NOX4: variants seen among roughly 807,000 people sequenced by gnomAD.
NOX4 encodes kidney oxidase-1.
Under a neutral mutation model 87.6 loss-of-function variants are expected in NOX4, and 69 were observed. That is an observed-to-expected ratio of 0.79 (90% CI 0.65 to 0.96). The LOEUF (loss-of-function observed/expected upper bound fraction) is 0.96. Among genes scored for constraint, NOX4 ranks in the 40% least tolerant of loss-of-function variants. The pLI is 0.00. For missense variants in NOX4, 680 were observed against 681.5 expected, an observed-to-expected ratio of 1.00 and a Z score of 0.02; for synonymous variants, 275 against 238.2, an observed-to-expected ratio of 1.15 and a Z score of -1.42.
At chr11:89,391,957 CCT>C (rs1306930793) in intron 11 of NOX4, among the ~76,000 whole-genome samples, 3 of 145,816 alleles carry the variant, frequency 2.1e-5, no homozygotes, top group African/African-American at 7.7e-5. Flanking sequence ...CCTTCTCCTT[CCT>C]TCCTTCCTTC....
chr11:89,473,266 G>T (rs956401216), intron 2 of NOX4, among the ~76,000 whole-genome samples: 4 of 152,064 alleles, frequency 2.6e-5, no homozygotes, highest in African/African-American at 9.7e-5. Context: ...ACTGAAACAG[G>T]CCTTGTGTCT....
At chr11:89,489,793 T>A (rs779475043) in intron 2 of NOX4, among the ~76,000 whole-genome samples, 12 of 150,760 alleles carry the variant, frequency 8.0e-5, no homozygotes. Context: ...CAAAGTAATA[T>A]GCCTTCAGTG....
At chr11:89,574,291 C>T in the NOX4 span, among the ~76,000 whole-genome samples, 1 of 152,140 alleles carries the variant, frequency 6.6e-6, no homozygotes, top group Admixed American at 6.5e-5. Context: ...CAGAGCCACA[C>T]TATTTGGTGA....
chr11:89,580,642 C>T, the NOX4 span, among the ~76,000 whole-genome samples: 5 of 152,050 alleles, frequency 3.3e-5, no homozygotes, highest in South Asian at 2.1e-4. Flanking sequence ...AATATGGAGG[C>T]TCACTCTATT....
At chr11:89,443,436 G>A (rs944765429) in intron 5 of NOX4, 1 of 152,190 alleles carries the variant, frequency 6.6e-6, no homozygotes, top group African/African-American at 2.4e-5. Context: ...GGACAGAACA[G>A]TTTGTTTTTG....
intron 13 of NOX4, among the ~76,000 whole-genome samples, chr11:89,347,928 T>TA (rs1342244510): frequency 6.6e-6 from 1 of 152,226 alleles, no homozygotes; most frequent in Non-Finnish European, 1.5e-5. Context: ...CTCCTTGGCT[T>TA]AAAATCCTTT....
chr11:89,364,737 TC>T (rs1225259017), intron 12 of NOX4, among the ~76,000 whole-genome samples: 1 of 152,156 alleles, frequency 6.6e-6, no homozygotes, highest in Non-Finnish European at 1.5e-5. Context: ...TTATCTACTA[TC>T]ATTCACACAT....
upstream of NOX4, among the ~76,000 whole-genome samples, chr11:89,491,733 C>T (rs1049081738): frequency 8.7e-6 from 1 of 115,430 alleles, no homozygotes; most frequent in Non-Finnish European, 2.1e-5. Context: ...CTTGTACACA[C>T]ACACACACAC....
intron 6 of NOX4, among the ~76,000 whole-genome samples, chr11:89,438,273 TAATA>T (rs374771022): frequency 1.3e-3 from 178 of 135,728 alleles, no homozygotes; most frequent in Middle Eastern, 3.8e-3. Flanking sequence ...TAATATATAA[TAATA>T]TATATACTAC....
At chr11:89,425,167 G>GT (rs143763285) in intron 7 of NOX4, among the ~76,000 whole-genome samples, 3,100 of 151,944 alleles carry the variant, frequency 0.02, 111 homozygotes, top group African/African-American at 0.069. Flanking sequence ...AAAAAGTGAG[G>GT]TTTTTTAATG....
chr11:89,453,785 A>T (rs562127353), intron 2 of NOX4, among the ~76,000 whole-genome samples: 1 of 152,264 alleles, frequency 6.6e-6, no homozygotes, highest in African/African-American at 2.4e-5. Context: ...CAGAATTCAA[A>T]CCCAGATATT....
chr11:89,449,401 A>G (rs935681076), intron 4 of NOX4, 39 bp downstream of exon 4: 3 of 1,419,422 alleles, frequency 2.1e-6, no homozygotes, highest in African/African-American at 2.8e-5. Context: ...TTAAATGTGT[A>G]ATTCTAACAA....
At position 89,343,854 on chromosome 11, in the gene NOX4, T is replaced by C. The variant is rs188457618; in HGVS notation, c.1218-1661A>G. On this transcript the variant is annotated intron_variant, in intron 13 of 17. Coordinates refer to ENST00000263317, the MANE Select transcript of NOX4 (RefSeq NM_016931.5). ...TGAAAAGATCCTTTATGAAGGATTGTGTATCTAAGATAATTCTAAGAATAA... is the reference window on the plus strand; with the variant it reads ...TGAAAAGATCCTTTATGAAGGATTGCGTATCTAAGATAATTCTAAGAATAA... Among the ~76,000 whole-genome samples the C allele has an allele frequency of 7.9e-4, 120 of 152,230 alleles. 1 individual carries two copies. The highest frequency in any genetic ancestry group is 2.8e-3 in the African/African-American group (115 of 41,584).
At chr11:89,474,351 T>G (rs1404793266) in intron 2 of NOX4, among the ~76,000 whole-genome samples, 4 of 150,682 alleles carry the variant, frequency 2.7e-5, no homozygotes, top group Non-Finnish European at 5.9e-5. Flanking sequence ...GACCAATACA[T>G]CACATCTTGG....
At chr11:89,557,599 G>A in the NOX4 span, among the ~76,000 whole-genome samples, 1 of 152,236 alleles carries the variant, frequency 6.6e-6, no homozygotes, top group East Asian at 1.9e-4. Flanking sequence ...TAAGGAACAA[G>A]AGAAAAACAG....
the NOX4 span, among the ~76,000 whole-genome samples, chr11:89,584,113 G>A: frequency 6.6e-6 from 1 of 151,934 alleles, no homozygotes; most frequent in African/African-American, 2.4e-5. Context: ...TTCTTCTTAG[G>A]ATAAAAATTT....
chr11:89,482,592 C>T (rs1245032087), intron 2 of NOX4, among the ~76,000 whole-genome samples: 1 of 152,034 alleles, frequency 6.6e-6, no homozygotes, highest in Non-Finnish European at 1.5e-5. Context: ...TCATCTTGGA[C>T]TTCTAGTTTC....
chr11:89,361,506 T>C (rs758041058), intron 12 of NOX4, among the ~76,000 whole-genome samples: 1 of 152,048 alleles, frequency 6.6e-6, no homozygotes, highest in Non-Finnish European at 1.5e-5. Context: ...TTGGGTACAG[T>C]GTACATTGCT....
the NOX4 span, among the ~76,000 whole-genome samples, chr11:89,528,573 T>C: frequency 6.6e-6 from 1 of 152,080 alleles, no homozygotes; most frequent in South Asian, 2.1e-4. Flanking sequence ...AGTAAGTGAG[T>C]TCTTATGAGA....
Sources: gnomAD v4.1 joint callset for allele counts (sites outside exome capture counted in the v4.1 genomes callset) on GRCh38, gnomAD v4.1.1 for gene constraint, MANE v1.5 for transcripts, NCBI Gene and HGNC (gene_info 2026-07-23, HGNC 2026-07-21) for gene names.